The following LRP1B variants were observed in gnomAD, a reference collection of about 807,000 sequenced individuals.
The protein encoded by LRP1B is low-density lipoprotein receptor-related protein 1B.
Under a neutral mutation model 556.6 loss-of-function variants are expected in LRP1B, and 217 were observed. That is an observed-to-expected ratio of 0.39 (90% CI 0.35 to 0.44). LRP1B has a LOEUF of 0.44. Ranked by LOEUF, LRP1B falls within the 20% of genes least tolerant of loss-of-function variation. The pLI is 1.00. For synonymous variants in LRP1B, 2,047 were observed against 1,865.8 expected (o/e 1.10, Z -2.50); for missense variants, 5,053 against 5,620.8 (o/e 0.90, Z 3.23).
At chr2:140,633,444 T>C (rs1373951518) in intron 41 of LRP1B, among the ~76,000 whole-genome samples, 1 of 151,966 alleles carries the variant, frequency 6.6e-6, no homozygotes, top group Non-Finnish European at 1.5e-5. Flanking sequence ...AATTTAATCC[T>C]AAGGAAAGCA....
intron 2 of LRP1B, among the ~76,000 whole-genome samples, chr2:141,554,966 G>A (rs762507557): frequency 4.6e-5 from 7 of 151,932 alleles, no homozygotes; most frequent in East Asian, 1.9e-4. Flanking sequence ...GAAGAGCTTC[G>A]TTCTTGGGAA....
intron 1 of LRP1B, among the ~76,000 whole-genome samples, chr2:141,954,071 C>A (rs866642046): frequency 6.6e-6 from 1 of 152,078 alleles, no homozygotes; most frequent in Non-Finnish European, 1.5e-5. Context: ...CACAAGCAAT[C>A]GCTGAGAGTA....
chr2:141,682,306 A>G (rs1691133417), intron 2 of LRP1B, among the ~76,000 whole-genome samples: 1 of 152,026 alleles, frequency 6.6e-6, no homozygotes, highest in Non-Finnish European at 1.5e-5. Context: ...AATTTAAAAA[A>G]TCAGAGGAGA....
intron 47 of LRP1B, among the ~76,000 whole-genome samples, chr2:140,528,542 G>A (rs931118573): frequency 2.0e-5 from 3 of 151,738 alleles, no homozygotes; most frequent in Admixed American, 6.6e-5. Flanking sequence ...ATCTTTGGGA[G>A]GGGGACAAGG....
chr2:140,826,559 A>G (rs1691515591), intron 31 of LRP1B, among the ~76,000 whole-genome samples: 1 of 152,190 alleles, frequency 6.6e-6, no homozygotes, highest in South Asian at 2.1e-4. Flanking sequence ...CTGAAGCCAT[A>G]GAGAAGTGAA....
rs567835268 is a variant in LRP1B at position 141,798,472 on chromosome 2, G to A, written c.205+11807C>T. Among the ~76,000 whole-genome samples the A allele has an allele frequency of 2.0e-5, 3 of 152,148 alleles. No homozygotes were observed. The South Asian group carries it at 6.2e-4, about 32-fold the overall frequency. Reference sequence around the variant, plus strand: ...CCTATAATCCCAGCACTTCTGGGGGGCCGAGGCAGGTGGATCAGGCAGTCA... The same window carrying A: ...CCTATAATCCCAGCACTTCTGGGGGACCGAGGCAGGTGGATCAGGCAGTCA... On this transcript the variant is annotated intron_variant, in intron 2 of 90. Coordinates refer to ENST00000389484, the MANE Select transcript of LRP1B (RefSeq NM_018557.3).
At chr2:141,194,400 A>T (rs898355685) in intron 6 of LRP1B, among the ~76,000 whole-genome samples, 9 of 152,108 alleles carry the variant, frequency 5.9e-5, no homozygotes, top group African/African-American at 2.2e-4. Flanking sequence ...ATTAATCAGG[A>T]CTGTGGCAAA....
At chr2:140,566,256 A>C (rs1435882080) in intron 43 of LRP1B, among the ~76,000 whole-genome samples, 1 of 152,124 alleles carries the variant, frequency 6.6e-6, no homozygotes, top group Non-Finnish European at 1.5e-5. Flanking sequence ...TACCCTTCCC[A>C]GTTGCAGGTG....
intron 1 of LRP1B, among the ~76,000 whole-genome samples, chr2:141,925,988 G>A (rs1700326049): frequency 6.6e-6 from 1 of 152,096 alleles, no homozygotes; most frequent in Non-Finnish European, 1.5e-5. Context: ...AAGCTAATAG[G>A]TTTTATACAT....
At chr2:141,093,023 G>A (rs115447688) in intron 7 of LRP1B, among the ~76,000 whole-genome samples, 77 of 149,584 alleles carry the variant, frequency 5.1e-4, no homozygotes, top group African/African-American at 1.9e-3. Context: ...GGAGAGGAAG[G>A]GAATATGGAG....
chr2:141,627,559 G>A (rs1189611627), intron 2 of LRP1B, among the ~76,000 whole-genome samples: 1 of 152,158 alleles, frequency 6.6e-6, no homozygotes, highest in Non-Finnish European at 1.5e-5. Context: ...TCTCATAGGA[G>A]TGCAAACCGT....
intron 18 of LRP1B, among the ~76,000 whole-genome samples, chr2:140,952,431 A>T (rs1695744262): frequency 1.3e-5 from 2 of 152,162 alleles, no homozygotes; most frequent in Admixed American, 6.5e-5. Flanking sequence ...AAAAATAAAC[A>T]CAATAAAATC....
intron 32 of LRP1B, among the ~76,000 whole-genome samples, chr2:140,790,651 C>G (rs1167048871): frequency 3.3e-5 from 5 of 152,200 alleles, no homozygotes; most frequent in East Asian, 1.9e-4. Flanking sequence ...TAGTGAGGCC[C>G]GTCTGGAAGA....
At chr2:140,765,224 T>C (rs1485527215) in intron 35 of LRP1B, among the ~76,000 whole-genome samples, 1 of 152,090 alleles carries the variant, frequency 6.6e-6, no homozygotes, top group East Asian at 1.9e-4. Flanking sequence ...TTGAGTTGGA[T>C]GACCCAAATT....
At chr2:140,974,603 G>A (rs1696536025) in intron 18 of LRP1B, among the ~76,000 whole-genome samples, 1 of 152,112 alleles carries the variant, frequency 6.6e-6, no homozygotes, top group Non-Finnish European at 1.5e-5. Flanking sequence ...GATTAGAAGG[G>A]AGAAAGGAAG....
chr2:140,245,775 C>T (rs999938536), intron 87 of LRP1B, among the ~76,000 whole-genome samples: 3 of 151,074 alleles, frequency 2.0e-5, no homozygotes, highest in Non-Finnish European at 3.0e-5. Context: ...CACATTTTGC[C>T]ACTGTTAACC....
At chr2:140,440,176 C>A (rs1321136292) in intron 66 of LRP1B, among the ~76,000 whole-genome samples, 1 of 152,038 alleles carries the variant, frequency 6.6e-6, no homozygotes, top group Non-Finnish European at 1.5e-5. Context: ...TAGGTGAACT[C>A]CAAGAGCATA....
intron 29 of LRP1B, among the ~76,000 whole-genome samples, chr2:140,844,551 G>T (rs182430658): frequency 6.6e-6 from 1 of 151,804 alleles, no homozygotes; most frequent in Non-Finnish European, 1.5e-5. Flanking sequence ...AATAAAAATC[G>T]TTATATATTT....
At chr2:141,097,007 C>A (rs1391934633) in intron 7 of LRP1B, among the ~76,000 whole-genome samples, 1 of 152,108 alleles carries the variant, frequency 6.6e-6, no homozygotes, top group Non-Finnish European at 1.5e-5. Flanking sequence ...CCTTGCTAGT[C>A]GCTTTTTGAG....
Sources: gnomAD v4.1 joint callset for allele counts (sites outside exome capture counted in the v4.1 genomes callset) on GRCh38, gnomAD v4.1.1 for gene constraint, MANE v1.5 for transcripts, NCBI Gene and HGNC (gene_info 2026-07-23, HGNC 2026-07-21) for gene names.